The following CDC25B variants were observed in gnomAD, a reference collection of about 807,000 sequenced individuals.
CDC25B encodes the protein M-phase inducer phosphatase 2.
CDC25B carries 33 observed loss-of-function variants against 69.8 expected under a neutral mutation model. The ratio of observed to expected loss-of-function variants is 0.47; its 90% confidence interval spans 0.36 to 0.63. The LOEUF (loss-of-function observed/expected upper bound fraction) is 0.63, where lower values mean the gene tolerates loss of function less well. Ranked by LOEUF, CDC25B falls within the 30% of genes least tolerant of loss-of-function variation. The pLI is 0.00. For synonymous variants in CDC25B, 341 were observed against 314.6 expected, an observed-to-expected ratio of 1.08 and a Z score of -0.89; for missense variants, 727 against 809.1, an observed-to-expected ratio of 0.90 and a Z score of 1.23.
intron 4 of CDC25B, 36 bp downstream of exon 4, chr20:3,800,365 C>T: frequency 1.2e-6 from 2 of 1,613,942 alleles, no homozygotes; most frequent in Non-Finnish European, 1.7e-6. Context: ...CTACCACAAG[C>T]TTTCCCTTAG....
chr20:3,796,372 T>G lies in CDC25B; in HGVS notation c.-160T>G, dbSNP rs1407310651. 5.9e-5 allele frequency: 43 copies of G among 732,168 alleles called. No homozygotes were observed. In the East Asian group the frequency reaches 8.7e-4, roughly 15 times the overall value. 45.4% of individuals were successfully genotyped at this position (732,168 alleles called of 1,614,324 possible). A position where few individuals can be genotyped will look rare whatever the true frequency, so the allele number is the denominator to read the frequency against. ...TCGCCCCCCGCCCTCCCCGCATCCC[T>G]CTCCTCCCTCGCGCCTGGCCCTGTG... On this transcript the variant is annotated 5_prime_UTR_variant, in exon 1 of 16. Coordinates refer to ENST00000245960, the MANE Select transcript of CDC25B (RefSeq NM_021873.4).
chr20:3,801,588 A>G, intron 8 of CDC25B, 134 bp from the exon 9 acceptor site: 1 of 1,016,404 alleles, frequency 9.8e-7, no homozygotes, highest in Non-Finnish European at 1.4e-6. Context: ...GCGGTTTGGG[A>G]GGTAGGGGAG....
At chr20:3,794,789 A>C (rs924360119), upstream of CDC25B, among the ~76,000 whole-genome samples, 2 of 152,014 alleles carry the variant, frequency 1.3e-5, no homozygotes, top group Non-Finnish European at 2.9e-5. Context: ...CTTCAGATGC[A>C]TTGGCCCACC....
intron 10 of CDC25B, 42 bp downstream of exon 10, chr20:3,802,142 G>A (rs553755010): frequency 6.5e-7 from 1 of 1,538,490 alleles, no homozygotes; most frequent in South Asian, 1.2e-5. Context: ...CATGCACCTG[G>A]GCAGCCACCC....
Position 3,796,417 on chromosome 20 carries a change from TTC to T in CDC25B, c.-114_-113del. Reference sequence around the variant, plus strand: ...CCTGTGGCTCTTCCTCCCTCCCTCCTTCCCCCCCCCCCCACCCCTCGCCCGCT... The same window carrying T: ...CCTGTGGCTCTTCCTCCCTCCCTCCTCCCCCCCCCCCACCCCTCGCCCGCT... On this transcript the variant is annotated 5_prime_UTR_variant, in exon 1 of 16. Transcript: ENST00000245960. The T allele has an allele frequency of 6.9e-6, 1 of 144,416 alleles. No homozygotes were observed. Among genetic ancestry groups the T allele is most frequent in the Non-Finnish European group, 7.8e-6 (1 of 129,002 alleles). The allele number at this position is 144,416 out of a possible 1,614,324, so 8.9% of individuals were successfully genotyped here.
upstream of CDC25B, among the ~76,000 whole-genome samples, chr20:3,792,907 T>G (rs1327805763): frequency 6.6e-6 from 1 of 152,048 alleles, no homozygotes; most frequent in Non-Finnish European, 1.5e-5. Flanking sequence ...GGCTCTGGAG[T>G]TGCTGGGATT....
At chr20:3,795,355 T>TC (rs1039779723), upstream of CDC25B, among the ~76,000 whole-genome samples, 3 of 83,106 alleles carry the variant, frequency 3.6e-5, no homozygotes, top group Non-Finnish European at 7.1e-5. Context: ...GGAGACTCCA[T>TC]CCCAAAAAAA....
chr20:3,803,945 C>A lies in CDC25B; in HGVS notation c.1490+408C>A, dbSNP rs982834633. Among the ~76,000 whole-genome samples the A allele has an allele frequency of 5.3e-5, 8 of 152,206 alleles. No individual in the cohort carries two copies. The highest frequency in any genetic ancestry group is 1.9e-4 in the African/African-American group (8 of 41,434). ...GCCTCCCTGGCTGAGCTCCTTCTGT[C>A]GCTATTCCTGTTCTGCCTGGCCATC... On this transcript the variant is annotated intron_variant, in intron 14 of 15. Transcript: ENST00000245960. This position sits in a 1 kb window ranked among gnomAD's most constrained non-coding sequence, Gnocchi z 4.9.
intron 3 of CDC25B, among the ~76,000 whole-genome samples, chr20:3,799,222 G>A (rs2089174838): frequency 6.6e-6 from 1 of 152,218 alleles, no homozygotes; most frequent in African/African-American, 2.4e-5. Flanking sequence ...ATCAGACTGG[G>A]TTGGGCTGCA....
Position 3,803,557 on chromosome 20 carries a change from A to G in CDC25B, c.1490+20A>G, listed in dbSNP as rs2089367365. ...CCGCATGTGAGTCCCAGCTCCGCCCAGCCAGCTAGTGTCTGCCCTGGCCTT... is the reference window on the plus strand; with the variant it reads ...CCGCATGTGAGTCCCAGCTCCGCCCGGCCAGCTAGTGTCTGCCCTGGCCTT... On this transcript the variant is annotated intron_variant, in intron 14 of 15. Transcript: ENST00000245960. This position sits in a 1 kb window ranked among gnomAD's most constrained non-coding sequence, Gnocchi z 4.9. The G allele has an allele frequency of 1.2e-6, 2 of 1,613,636 alleles. No individual in the cohort carries two copies. Among genetic ancestry groups the G allele is most frequent in the Middle Eastern group, 1.7e-4 (1 of 6,060 alleles).
rs1450578759 is a variant in CDC25B at position 3,805,118 on chromosome 20, CCT to C, written c.*158_*159del. ...GCCTGTCTGCCCCAGCCCAGATTCC[CCT>C]GTGTCATCCCATCATTTTCCATATC... On this transcript the variant is annotated 3_prime_UTR_variant, in exon 16 of 16. Transcript: ENST00000245960. 31 of 706,982 alleles carry C rather than the reference CCT, an allele frequency of 4.4e-5. No individual in the cohort carries two copies. The highest frequency in any genetic ancestry group is 5.7e-5 in the Non-Finnish European group (25 of 435,336). The allele number at this position is 706,982 out of a possible 1,614,324, so 43.8% of individuals were successfully genotyped here. A position where few individuals can be genotyped will look rare whatever the true frequency, so the allele number is the denominator to read the frequency against.
At chr20:3,794,912 G>A (rs11569976), upstream of CDC25B, among the ~76,000 whole-genome samples, 361 of 152,156 alleles carry the variant, frequency 2.4e-3, 2 homozygotes, top group Admixed American at 5.3e-3. Context: ...GCTGCAGCCC[G>A]CCCCCCGCAC....
upstream of CDC25B, chr20:3,795,630 T>TTG: frequency 3.6e-6 from 3 of 825,776 alleles, no homozygotes; most frequent in Non-Finnish European, 4.4e-6. Context: ...ATTGGGCCGG[T>TTG]TGGGGTAACA....
upstream of CDC25B, among the ~76,000 whole-genome samples, chr20:3,795,578 C>T (rs1016641284): frequency 2.0e-5 from 3 of 152,238 alleles, no homozygotes; most frequent in Admixed American, 1.3e-4. Context: ...AAATCCATTC[C>T]TAGTTCCACC....
chr20:3,798,429 C>A lies in CDC25B; in HGVS notation c.346C>A (p.Pro116Thr). The stretch of plus-strand genomic sequence containing the variant: ...CCCCTCAGGTCTCTGCATGGATTCC[C>A]CCAGCCCTATGGACCCCCACATGGC... Reference protein sequence around the residue: ...SSDAGLCMDSPSPMDPHMAEQ... With the variant: ...SSDAGLCMDSTSPMDPHMAEQ... Residue 116 changes from proline to threonine, a missense_variant, in exon 3 of 16, where the codon CCC becomes ACC. Coordinates refer to ENST00000245960, the MANE Select transcript of CDC25B (RefSeq NM_021873.4). The A allele has an allele frequency of 6.3e-7, 1 of 1,598,440 alleles. No homozygotes were observed. The highest frequency in any genetic ancestry group is 8.5e-7 in the Non-Finnish European group (1 of 1,172,170).
intron 9 of CDC25B, 56 bp from the exon 10 acceptor site, chr20:3,801,868 T>C: frequency 6.3e-7 from 1 of 1,583,446 alleles, no homozygotes; most frequent in East Asian, 2.2e-5. Flanking sequence ...TCCAGTGGAT[T>C]TGAGGGATGG....
chr20:3,798,460 A>G lies in CDC25B; in HGVS notation c.377A>G (p.Gln126Arg). The G allele has an allele frequency of 6.3e-7, 1 of 1,597,044 alleles. No homozygotes were observed. The highest frequency in any genetic ancestry group is 8.5e-7 in the Non-Finnish European group (1 of 1,170,450). Residue 126 changes from glutamine to arginine, a missense_variant, in exon 3 of 16, where the codon CAG becomes CGG. Physicochemically the swap from Gln to Arg is conservative, Grantham distance 43. Transcript: ENST00000245960. ...PSPMDPHMAEQTFEQAIQAAS... is the reference protein window; with the variant it reads ...PSPMDPHMAERTFEQAIQAAS... ...CCTATGGACCCCCACATGGCGGAGC[A>G]GACGTGAGTAGAGAAGGGAATGTGT...
Position 3,800,527 on chromosome 20 carries a change from T to C in CDC25B, c.459+29T>C, listed in dbSNP as rs562467419. On this transcript the variant is annotated intron_variant, in intron 5 of 15. Transcript: ENST00000245960. ...AGTGTCTTCGAGGCCTGACTGAGGC[T>C]TAGGCATGCTAGCCAGGCATGGGGT... 1.2e-4 allele frequency: 199 copies of C among 1,612,958 alleles called. 6 individuals carry two copies. In the South Asian group the frequency reaches 2.1e-3, roughly 17 times the overall value.
chr20:3,800,754 G>A lies in CDC25B; in HGVS notation c.471G>A (p.Leu157=). Residue 157 remains leucine (L), a synonymous_variant, in exon 6 of 16, where the codon CTG becomes CTA. Transcript: ENST00000245960. ...GCCTGGCTCTCTAGGTGAGGCTGCT[G>A]GGCCACAGCCCCGTGCTTCGGAACA... ...RRFQSMPVRL[L]GHSPVLRNIT... The A allele has an allele frequency of 6.2e-7, 1 of 1,609,578 alleles. No individual in the cohort carries two copies. Among genetic ancestry groups the A allele is most frequent in the Non-Finnish European group, 8.5e-7 (1 of 1,179,988 alleles).
Sources: allele counts gnomAD v4.1 joint callset (sites outside exome capture counted in the v4.1 genomes callset), GRCh38; gene constraint gnomAD v4.1.1; non-coding constraint Gnocchi (gnomAD v3.1); transcripts MANE v1.5; gene names NCBI Gene and HGNC (gene_info 2026-07-23, HGNC 2026-07-21).